Variants in TNS3 observed in about 807,000 individuals in gnomAD.
The protein encoded by TNS3 is tensin-3.
In TNS3, 45 loss-of-function variants were observed where a neutral mutation model predicts 140.9. The observed-to-expected ratio is 0.32, with a 90% CI of 0.25 to 0.41. The LOEUF (loss-of-function observed/expected upper bound fraction) is 0.41, where lower values mean the gene tolerates loss of function less well. Among genes scored for constraint, TNS3 ranks in the 10% least tolerant of loss-of-function variants. The probability of loss-of-function intolerance (pLI) is 1.00; values close to 1 mark genes in which losing one functional copy is unlikely to be tolerated. For missense variants in TNS3, 1,716 were observed against 1,906.7 expected, an observed-to-expected ratio of 0.90 and a Z score of 1.86; for synonymous variants, 815 against 788.4, an observed-to-expected ratio of 1.03 and a Z score of -0.56.
At chr7:47,339,176 A>G (rs1788801596) in intron 20 of TNS3, among the ~76,000 whole-genome samples, 1 of 152,108 alleles carries the variant, frequency 6.6e-6, no homozygotes, top group African/African-American at 2.4e-5. Context: ...TCCTCTTCAC[A>G]GGTTCTTTCC....
intron 16 of TNS3, among the ~76,000 whole-genome samples, chr7:47,393,662 T>G (rs1288351901): frequency 1.3e-5 from 2 of 152,008 alleles, no homozygotes; most frequent in African/African-American, 2.4e-5. Flanking sequence ...ACCCACTATA[T>G]CCCTGAGGAG....
At chr7:47,391,162 C>T (rs970046224) in intron 16 of TNS3, among the ~76,000 whole-genome samples, 2 of 152,210 alleles carry the variant, frequency 1.3e-5, no homozygotes, top group African/African-American at 2.4e-5. Flanking sequence ...TAGGCATACC[C>T]TGTCTGCCTT....
intron 16 of TNS3, among the ~76,000 whole-genome samples, chr7:47,393,101 G>A (rs571121820): frequency 6.6e-6 from 1 of 152,292 alleles, no homozygotes; most frequent in African/African-American, 2.4e-5. Context: ...AAAAACTCAG[G>A]CTATAAAACA....
chr7:47,404,053 T>C (rs1217602860), intron 13 of TNS3, among the ~76,000 whole-genome samples: 1 of 152,270 alleles, frequency 6.6e-6, no homozygotes, highest in Non-Finnish European at 1.5e-5. Flanking sequence ...CTAGAATATG[T>C]TGATCCTTTG....
chr7:47,405,434 G>A (rs1793390641), intron 13 of TNS3: 1 of 693,400 alleles, frequency 1.4e-6, no homozygotes, highest in African/African-American at 1.8e-5. Flanking sequence ...TATTTGGAGG[G>A]TAAAAAGTTA....
At chr7:47,440,263 G>C (rs896223611) in intron 5 of TNS3, among the ~76,000 whole-genome samples, 1 of 152,152 alleles carries the variant, frequency 6.6e-6, no homozygotes, top group Non-Finnish European at 1.5e-5. Flanking sequence ...AGGACCTCAC[G>C]TGGAGAGGGG....
At chr7:47,458,766 G>A (rs2941549) in intron 4 of TNS3, among the ~76,000 whole-genome samples, 39,320 of 152,160 alleles carry the variant, frequency 0.26, 5,187 homozygotes, top group Non-Finnish European at 0.29. Flanking sequence ...GACCCCTGTG[G>A]CTGAAGAGCA....
intron 24 of TNS3, 79 bp downstream of exon 24, chr7:47,297,002 TA>T (rs1406909823): frequency 6.5e-7 from 1 of 1,530,172 alleles, no homozygotes; most frequent in Non-Finnish European, 8.8e-7. Context: ...AGTCATCTTT[TA>T]TTTTATTAGC....
At chr7:47,415,284 C>A in intron 10 of TNS3, 78 bp from the exon 11 acceptor site, 3 of 1,008,240 alleles carry the variant, frequency 3.0e-6, no homozygotes, top group Non-Finnish European at 4.4e-6. Context: ...AGGAGAAACA[C>A]ATCCTGGCTG....
rs1047468527 is a variant in TNS3 at position 47,407,009 on chromosome 7, CAGA to C, written c.723+4715_723+4717del. The stretch of plus-strand genomic sequence containing the variant: ...CTGCCCTGCACACCCTCAGAACACC[CAGA>C]AGAAGCATGAACGGGAGGAGGGGAT... On this transcript the variant is annotated intron_variant, in intron 13 of 30. Transcript: ENST00000311160. This position sits in a 1 kb window ranked among gnomAD's most constrained non-coding sequence, Gnocchi z 4.1. 2.0e-5 allele frequency among the ~76,000 whole-genome samples: 3 copies of C among 152,138 alleles called. No homozygotes were observed. The highest frequency in any genetic ancestry group is 4.4e-5 in the Non-Finnish European group (3 of 68,022).
At chr7:47,570,999 A>AC (rs1215367521) in intron 1 of TNS3, among the ~76,000 whole-genome samples, 8 of 152,140 alleles carry the variant, frequency 5.3e-5, no homozygotes, top group Admixed American at 3.3e-4. Context: ...TCAGCGTCCC[A>AC]CCTGGACCAC....
chr7:47,531,355 G>A lies in TNS3; in HGVS notation c.-264-2208C>T, dbSNP rs543543574. ...ATAAAAATAGCTCTTCAAAATAAAAGTGAACCAAAAACTTCTTAAAATATG... is the reference window on the plus strand; with the variant it reads ...ATAAAAATAGCTCTTCAAAATAAAAATGAACCAAAAACTTCTTAAAATATG... On this transcript the variant is annotated intron_variant, in intron 1 of 30. Coordinates refer to ENST00000311160, the MANE Select transcript of TNS3 (RefSeq NM_022748.12). Among the ~76,000 whole-genome samples, 6 of 152,184 alleles carry A rather than the reference G, an allele frequency of 3.9e-5. No homozygotes were observed. In the South Asian group the frequency reaches 1.2e-3, roughly 32 times the overall value.
chr7:47,424,201 G>A lies in TNS3; in HGVS notation c.390-17C>T, dbSNP rs749265253. ...TGGTCGGCGCTGAAGGGGAGAGAGA[G>A]AGAAAGAGAGTTAACTCAGTGGAGC... On this transcript the variant is annotated splice_polypyrimidine_tract_variant and intron_variant, in intron 9 of 30. Coordinates refer to ENST00000311160, the MANE Select transcript of TNS3 (RefSeq NM_022748.12). 1 of 1,613,500 alleles carries A rather than the reference G, an allele frequency of 6.2e-7. No homozygotes were observed. The highest frequency in any genetic ancestry group is 8.5e-7 in the Non-Finnish European group (1 of 1,179,714).
At chr7:47,449,344 T>C (rs376798247) in intron 4 of TNS3, among the ~76,000 whole-genome samples, 1 of 152,218 alleles carries the variant, frequency 6.6e-6, no homozygotes, top group East Asian at 1.9e-4. Context: ...CTCAGAGCCC[T>C]GGGTGAGCCA....
intron 4 of TNS3, among the ~76,000 whole-genome samples, chr7:47,453,778 G>A (rs1796128986): frequency 6.6e-6 from 1 of 152,190 alleles, no homozygotes; most frequent in South Asian, 2.1e-4. Flanking sequence ...AGATCTTGGT[G>A]ACATAGAGTC....
intron 2 of TNS3, among the ~76,000 whole-genome samples, chr7:47,517,331 G>A (rs909572256): frequency 1.3e-5 from 2 of 152,062 alleles, no homozygotes; most frequent in East Asian, 1.9e-4. Flanking sequence ...GCAGCCCCAC[G>A]CTTGACAAAA....
Position 47,275,793 on chromosome 7 carries a change from G to A in TNS3, c.*2283C>T, listed in dbSNP as rs1477723396. 2 of 455,712 alleles carry A rather than the reference G, an allele frequency of 4.4e-6. No homozygotes were observed. The highest frequency in any genetic ancestry group is 1.4e-4 in the East Asian group (2 of 14,392). The allele number at this position is 455,712 out of a possible 1,614,324, so 28.2% of individuals were successfully genotyped here. A position where few individuals can be genotyped will look rare whatever the true frequency, so the allele number is the denominator to read the frequency against. Reference sequence around the variant, plus strand: ...TTTACCTTGTGTAAAAATCACACCTGGCCAATGAGTTCAAAAAGCACGTTT... The same window carrying A: ...TTTACCTTGTGTAAAAATCACACCTAGCCAATGAGTTCAAAAAGCACGTTT... On this transcript the variant is annotated 3_prime_UTR_variant, in exon 31 of 31. Coordinates refer to ENST00000311160, the MANE Select transcript of TNS3 (RefSeq NM_022748.12).
chr7:47,580,197 G>C (rs975296958), intron 1 of TNS3, among the ~76,000 whole-genome samples: 2 of 152,116 alleles, frequency 1.3e-5, no homozygotes, highest in Admixed American at 6.5e-5. Flanking sequence ...CCAGGAACAG[G>C]GGTCTGGGAC....
intron 20 of TNS3, among the ~76,000 whole-genome samples, chr7:47,337,606 C>T (rs1219455531): frequency 1.3e-5 from 2 of 152,208 alleles, no homozygotes; most frequent in African/African-American, 2.4e-5. Context: ...CTTCTGAAAC[C>T]ATTTGGTCTG....
Sources: allele counts gnomAD v4.1 joint callset (sites outside exome capture counted in the v4.1 genomes callset), GRCh38; gene constraint gnomAD v4.1.1; non-coding constraint Gnocchi (gnomAD v3.1); transcripts MANE v1.5; gene names NCBI Gene and HGNC (gene_info 2026-07-23, HGNC 2026-07-21).